DPH6: variants seen among roughly 807,000 people sequenced by gnomAD.
The protein encoded by DPH6 is diphthamine biosynthesis 6, also known as diphthine--ammonia ligase.
DPH6 carries 33 observed loss-of-function variants against 38.2 expected under a neutral mutation model. That is an observed-to-expected ratio of 0.86 (90% CI 0.65 to 1.15). DPH6 has a LOEUF of 1.15. Among genes scored for constraint, DPH6 ranks in the 50% most tolerant of loss-of-function variants. DPH6 has a pLI of 0.00. For missense variants in DPH6, 325 were observed against 320.0 expected (o/e 1.02, Z -0.12); for synonymous variants, 108 against 103.0 (o/e 1.05, Z -0.30).
downstream of DPH6, among the ~76,000 whole-genome samples, chr15:35,328,416 C>T (rs1473564676): frequency 6.6e-6 from 1 of 152,198 alleles, no homozygotes; most frequent in East Asian, 1.9e-4. Context: ...CCCTGCTAGA[C>T]TCTAAACGTT....
chr15:35,327,139 C>A (rs1338365931), downstream of DPH6, among the ~76,000 whole-genome samples: 1 of 146,592 alleles, frequency 6.8e-6, no homozygotes, highest in Non-Finnish European at 1.5e-5. Context: ...CTGCCTTAAT[C>A]ATTCAAATCT....
the DPH6 span, among the ~76,000 whole-genome samples, chr15:35,147,609 C>G: frequency 6.6e-6 from 1 of 151,916 alleles, no homozygotes; most frequent in Non-Finnish European, 1.5e-5. Flanking sequence ...AGATTTGGAC[C>G]AAGGATCAAG....
chr15:35,376,979 T>C (rs1281407955), intron 7 of DPH6, among the ~76,000 whole-genome samples: 1 of 152,188 alleles, frequency 6.6e-6, no homozygotes, highest in Non-Finnish European at 1.5e-5. Context: ...GCATACTGCA[T>C]ATATAAACAT....
chr15:35,363,112 T>G (rs1311959768), intron 3 of DPH6, among the ~76,000 whole-genome samples: 2 of 152,224 alleles, frequency 1.3e-5, no homozygotes, highest in South Asian at 4.1e-4. Flanking sequence ...ATATGTGTAC[T>G]GCACTTGTTG....
intron 6 of DPH6, chr15:35,401,156 CT>C (rs1256984365): frequency 2.8e-6 from 3 of 1,063,826 alleles, no homozygotes; most frequent in Non-Finnish European, 4.3e-6. Flanking sequence ...AAACACCATA[CT>C]GTGAATGGCC....
At chr15:35,445,052 C>G (rs1462200101) in intron 5 of DPH6, among the ~76,000 whole-genome samples, 1 of 152,136 alleles carries the variant, frequency 6.6e-6, no homozygotes, top group Non-Finnish European at 1.5e-5. Context: ...TATTATGTAT[C>G]AAATACAGCT....
At chr15:35,277,443 C>T (rs960140032) in intron 3 of DPH6, among the ~76,000 whole-genome samples, 1 of 152,040 alleles carries the variant, frequency 6.6e-6, no homozygotes, top group African/African-American at 2.4e-5. Flanking sequence ...TGCTCTCCAG[C>T]CTCAGGTATT....
the DPH6 span, among the ~76,000 whole-genome samples, chr15:35,197,574 G>A: frequency 6.6e-6 from 1 of 152,136 alleles, no homozygotes; most frequent in African/African-American, 2.4e-5. Flanking sequence ...GGGTGGCAAT[G>A]AATCTTATTT....
chr15:35,519,453 T>C (rs2054891118), intron 3 of DPH6: 1 of 151,986 alleles, frequency 6.6e-6, no homozygotes, highest in Non-Finnish European at 1.5e-5. Context: ...GCCTGTAAGA[T>C]TCCATCTTTC....
intron 3 of DPH6, among the ~76,000 whole-genome samples, chr15:35,246,432 T>C (rs2051638517): frequency 6.6e-6 from 1 of 152,220 alleles, no homozygotes; most frequent in Non-Finnish European, 1.5e-5. Context: ...TTTGGATATT[T>C]AGTTAGTCCC....
chr15:35,349,369 AG>A (rs1236999038), intron 3 of DPH6, among the ~76,000 whole-genome samples: 1 of 152,158 alleles, frequency 6.6e-6, no homozygotes, highest in African/African-American at 2.4e-5. Context: ...CATCATGAAA[AG>A]GTATTACATT....
chr15:35,154,138 C>T, the DPH6 span, among the ~76,000 whole-genome samples: 1 of 152,052 alleles, frequency 6.6e-6, no homozygotes, highest in African/African-American at 2.4e-5. Flanking sequence ...AGATGGTTAA[C>T]AGTAAGGTAT....
At chr15:35,305,381 C>CACAG (rs5811854) in intron 3 of DPH6, among the ~76,000 whole-genome samples, 150,721 of 151,966 alleles carry the variant, frequency 0.99, 74,754 homozygotes, top group Middle Eastern at 1. Flanking sequence ...ACCACATACT[C>CACAG]ACACTGTGAA....
chr15:35,343,726 C>G (rs2052440534), intron 3 of DPH6, among the ~76,000 whole-genome samples: 1 of 151,976 alleles, frequency 6.6e-6, no homozygotes, highest in Non-Finnish European at 1.5e-5. Flanking sequence ...ACATTGTATA[C>G]ACTGTACTGT....
chr15:35,421,180 A>G (rs2053500304), intron 5 of DPH6, among the ~76,000 whole-genome samples: 1 of 152,198 alleles, frequency 6.6e-6, no homozygotes, highest in Admixed American at 6.5e-5. Context: ...GCCCAGGATC[A>G]GATAACTTCA....
At chr15:35,403,830 T>C (rs927587455) in intron 6 of DPH6, among the ~76,000 whole-genome samples, 19 of 151,996 alleles carry the variant, frequency 1.3e-4, no homozygotes, top group Non-Finnish European at 1.5e-4. Flanking sequence ...TCCTTTTTTT[T>C]TTTTTTTGTA....
At chr15:35,199,164 C>T in the DPH6 span, among the ~76,000 whole-genome samples, 173 of 152,262 alleles carry the variant, frequency 1.1e-3, no homozygotes, top group African/African-American at 3.9e-3. Context: ...CCACCCACTT[C>T]AGCCTCCCGA....
chr15:35,442,142 G>A (rs1025501967), intron 5 of DPH6, among the ~76,000 whole-genome samples: 19 of 151,290 alleles, frequency 1.3e-4, no homozygotes, highest in African/African-American at 4.6e-4. Flanking sequence ...CATTTGATAA[G>A]AGACTTATAC....
Position 35,371,707 on chromosome 15 carries a change from G to A in DPH6, c.*443C>T, listed in dbSNP as rs1030054893. 22 of 985,864 alleles carry A rather than the reference G, an allele frequency of 2.2e-5. No individual in the cohort carries two copies. Among genetic ancestry groups the A allele is most frequent in the African/African-American group, 1.9e-4 (11 of 57,174 alleles). The allele number at this position is 985,864 out of a possible 1,614,324, so 61.1% of individuals were successfully genotyped here. ...AATAAAAATGATAAATCGCTTTGGC[G>A]ACACCCAGTAGAATAAGCTTGACTG... On this transcript the variant is annotated 3_prime_UTR_variant, in exon 9 of 9. Coordinates refer to ENST00000256538, the MANE Select transcript of DPH6 (RefSeq NM_080650.4).
Sources: gnomAD v4.1 joint callset for allele counts (sites outside exome capture counted in the v4.1 genomes callset) on GRCh38, gnomAD v4.1.1 for gene constraint, MANE v1.5 for transcripts, NCBI Gene and HGNC (gene_info 2026-07-23, HGNC 2026-07-21) for gene names.